OTUD4: variants seen among roughly 807,000 people sequenced by gnomAD.
The protein encoded by OTUD4 is OTU deubiquitinase 4.
A neutral mutation model predicts 130.4 loss-of-function variants in OTUD4; 24 were observed. That is an observed-to-expected ratio of 0.18 (90% CI 0.13 to 0.26). OTUD4 has a LOEUF of 0.26. Among genes scored for constraint, OTUD4 ranks in the 10% least tolerant of loss-of-function variants. OTUD4 has a pLI of 1.00. For synonymous variants in OTUD4, 420 were observed against 472.5 expected, an observed-to-expected ratio of 0.89 and a Z score of 1.44; for missense variants, 1,031 against 1,329.4, an observed-to-expected ratio of 0.78 and a Z score of 3.49.
In OTUD4 at chr4:145,138,666, A is replaced by C. The variant is rs770734818; in HGVS notation, c.2125-16T>G. 2.3e-5 allele frequency: 36 copies of C among 1,574,494 alleles called. No homozygotes were observed. Among genetic ancestry groups the C allele is most frequent in the Non-Finnish European group, 2.7e-5 (32 of 1,165,082 alleles). ...AACTGTATGCCTGAAGAGACAAAAAACAGTTAAATAAACAAAAGAGGAGAA... is the reference window on the plus strand; with the variant it reads ...AACTGTATGCCTGAAGAGACAAAAACCAGTTAAATAAACAAAAGAGGAGAA... On this transcript the variant is annotated splice_polypyrimidine_tract_variant and intron_variant, in intron 20 of 20. Transcript: ENST00000447906.
chr4:145,156,226 G>C (rs1004642296), intron 7 of OTUD4, among the ~76,000 whole-genome samples: 3 of 152,140 alleles, frequency 2.0e-5, no homozygotes, highest in Non-Finnish European at 4.4e-5. Context: ...AACTGGCTCA[G>C]TAATAAGAAA....
intron 11 of OTUD4, among the ~76,000 whole-genome samples, chr4:145,152,128 C>A (rs1751093922): frequency 1.3e-5 from 2 of 152,012 alleles, no homozygotes; most frequent in Non-Finnish European, 2.9e-5. Context: ...AATATACTTT[C>A]TTTTTGTTTT....
At chr4:145,164,424 A>G (rs922746650) in intron 4 of OTUD4, among the ~76,000 whole-genome samples, 198 bp from the exon 5 acceptor site, 1 of 152,084 alleles carries the variant, frequency 6.6e-6, no homozygotes, top group Non-Finnish European at 1.5e-5. Flanking sequence ...AATTTCAAAT[A>G]TTATTTGTAT....
chr4:145,164,978 A>C (rs1241733476), intron 4 of OTUD4, among the ~76,000 whole-genome samples, 173 bp downstream of exon 4: 2 of 152,186 alleles, frequency 1.3e-5, no homozygotes, highest in Admixed American at 1.3e-4. Flanking sequence ...AAAATTTCTA[A>C]ACACTGACAT....
In OTUD4 at chr4:145,152,555, T is replaced by C; in HGVS notation, c.954A>G (p.Glu318=). Reference sequence around the variant, plus strand: ...GTAGTACATACTTCTTTCCCAGTTCTTCAACCAAAACTGGTCCATTCTCAG... The same window carrying C: ...GTAGTACATACTTCTTTCCCAGTTCCTCAACCAAAACTGGTCCATTCTCAG... ...IHSENGPVLV[E]ELGKKHTSKN... is the part of the protein sequence containing the mutation. The change falls in exon 11 of 21, where the codon GAA becomes GAG. Residue 318 remains glutamate (E), a synonymous_variant. Transcript: ENST00000447906. 4.4e-6 allele frequency: 7 copies of C among 1,599,058 alleles called. No homozygotes were observed. Among genetic ancestry groups the C allele is most frequent in the Non-Finnish European group, 6.0e-6 (7 of 1,167,552 alleles).
At position 145,179,067 on chromosome 4, in the gene OTUD4, CA is replaced by C. The variant is rs1045992368; in HGVS notation, c.159+747del. On this transcript the variant is annotated intron_variant, in intron 1 of 20. Transcript: ENST00000447906. ...TTATATAACATGGAATAAGCTCGCT[CA>C]AAAAAAAAAATTCAGAAAAATCTTC... 2.1e-3 allele frequency among the ~76,000 whole-genome samples: 311 copies of C among 146,388 alleles called. 1 individual carries two copies. The highest frequency in any genetic ancestry group is 7.2e-3 in the African/African-American group (288 of 40,046).
rs1752624354 is a variant in OTUD4, at chr4:145,180,118, G to A, written c.-145C>T. 6.7e-6 allele frequency: 3 copies of A among 446,702 alleles called. No homozygotes were observed. The highest frequency in any genetic ancestry group is 9.2e-5 in the South Asian group (1 of 10,916). 27.7% of individuals were successfully genotyped at this position (446,702 alleles called of 1,614,324 possible). The stretch of plus-strand genomic sequence containing the variant: ...GAGCGGCGGCAGGCGGCGGCGGCCC[G>A]AGGCAGCGGTCCGCGCTCTCCGGGC... On this transcript the variant is annotated 5_prime_UTR_variant, in exon 1 of 21. Coordinates refer to ENST00000447906, the MANE Select transcript of OTUD4 (RefSeq NM_001366057.1).
At chr4:145,143,615 A>C (rs1388667585) in intron 16 of OTUD4, among the ~76,000 whole-genome samples, 170 bp from the exon 17 acceptor site, 4 of 152,180 alleles carry the variant, frequency 2.6e-5, no homozygotes, top group Non-Finnish European at 4.4e-5. Flanking sequence ...CTTTGCCTGA[A>C]CATCTTTATT....
chr4:145,138,456 C>G lies in OTUD4; in HGVS notation c.2319G>C (p.Glu773Asp). 6.2e-7 allele frequency: 1 copy of G among 1,614,184 alleles called. No individual in the cohort carries two copies. The highest frequency in any genetic ancestry group is 8.5e-7 in the Non-Finnish European group (1 of 1,180,036). ...GTGGCATTTGACCATTAACACTGGC[C>G]TCAGTCTGCATAGGAAAGTGGGCAT... is the stretch of plus-strand genomic sequence containing the variant. The part of the protein sequence containing the change: ...CTDAHFPMQT[E>D]ASVNGQMPQP... Residue 773 changes from glutamate to aspartate, a missense_variant, in exon 21 of 21, where the codon GAG becomes GAC. Glu to Asp is a conservative substitution (Grantham distance 45). Coordinates refer to ENST00000447906, the MANE Select transcript of OTUD4 (RefSeq NM_001366057.1).
intron 13 of OTUD4, among the ~76,000 whole-genome samples, chr4:145,149,981 A>C (rs569007015): frequency 1.3e-5 from 2 of 152,362 alleles, no homozygotes; most frequent in East Asian, 3.9e-4. Context: ...CAGGAAAATT[A>C]TGATCCTAAA....
chr4:145,180,077 G>A lies in OTUD4; in HGVS notation c.-104C>T. The A allele has an allele frequency of 1.0e-6, 1 of 966,258 alleles. No individual in the cohort carries two copies. Among genetic ancestry groups the A allele is most frequent in the Non-Finnish European group, 1.3e-6 (1 of 777,722 alleles). The allele number at this position is 966,258 out of a possible 1,614,324, so 59.9% of individuals were successfully genotyped here. On this transcript the variant is annotated 5_prime_UTR_variant, in exon 1 of 21. Coordinates refer to ENST00000447906, the MANE Select transcript of OTUD4 (RefSeq NM_001366057.1). ...CCTGGGGCAGGCGGCGGCTCGGGCT[G>A]GGGCTCGGGCTCCGCGAGCGGCGGC...
In OTUD4 at chr4:145,180,010, C is replaced by T. The variant is rs777098706; in HGVS notation, c.-37G>A. 1.4e-6 allele frequency: 2 copies of T among 1,406,990 alleles called. No individual in the cohort carries two copies. The highest frequency in any genetic ancestry group is 3.0e-5 in the South Asian group (2 of 66,368). The allele number at this position is 1,406,990 out of a possible 1,614,324, so 87.2% of individuals were successfully genotyped here. On this transcript the variant is annotated 5_prime_UTR_variant, in exon 1 of 21. An upstream open reading frame in the 5' UTR loses its in-frame stop. Transcript: ENST00000447906. The stretch of plus-strand genomic sequence containing the variant: ...TGCTGCAGGCCAGGCGCGGCGAGGG[C>T]TAGCCCCACATGGCCAGGCCGCCGG...
rs1348320241 is a variant in OTUD4, at chr4:145,178,474, C to CA, written c.159+1340dup. ...GAGGAGTCCAAGGAAGCAGGACAGA[C>CA]AGAGATTCAGAAAATTCACAAATGG... On this transcript the variant is annotated intron_variant, in intron 1 of 20. Coordinates refer to ENST00000447906, the MANE Select transcript of OTUD4 (RefSeq NM_001366057.1). 5.2e-5 allele frequency: 8 copies of CA among 152,428 alleles called. No individual in the cohort carries two copies. In the East Asian group the frequency reaches 1.3e-3, roughly 26 times the overall value. 9.4% of individuals were successfully genotyped at this position (152,428 alleles called of 1,614,324 possible).
chr4:145,152,715 G>T, intron 10 of OTUD4, 80 bp from the exon 11 acceptor site: 2 of 780,208 alleles, frequency 2.6e-6, no homozygotes, highest in Non-Finnish European at 4.2e-6. Flanking sequence ...GTTTTTTGCG[G>T]TTCTTTTTTT....
intron 18 of OTUD4, among the ~76,000 whole-genome samples, chr4:145,141,896 C>A (rs1406328357): frequency 1.3e-5 from 2 of 152,064 alleles, no homozygotes; most frequent in Non-Finnish European, 2.9e-5. Flanking sequence ...ATTACGGGGC[C>A]ATAAAGAGCT....
At chr4:145,147,503 T>TC (rs983099140) in intron 13 of OTUD4, among the ~76,000 whole-genome samples, 7 of 152,138 alleles carry the variant, frequency 4.6e-5, no homozygotes, top group Non-Finnish European at 1.0e-4. Flanking sequence ...CCATCTCCTA[T>TC]CATCCAAAAA....
chr4:145,154,617 G>A (rs1579262053), intron 10 of OTUD4, among the ~76,000 whole-genome samples: 1 of 152,268 alleles, frequency 6.6e-6, no homozygotes, highest in East Asian at 1.9e-4. Context: ...CAAAAAACAA[G>A]AAAAGAGACC....
chr4:145,179,450 G>GGTCGC, intron 1 of OTUD4: 2 of 248,390 alleles, frequency 8.1e-6, no homozygotes, highest in South Asian at 6.3e-5. Context: ...TGAGCGTGGT[G>GGTCGC]CTTCTCAAAC....
intron 2 of OTUD4, 98 bp from the exon 3 acceptor site, chr4:145,171,818 G>A (rs1752183212): frequency 1.4e-6 from 1 of 708,486 alleles, no homozygotes; most frequent in Non-Finnish European, 2.6e-6. Flanking sequence ...TACTGAGTTT[G>A]TACATAAACC....
Sources: allele counts gnomAD v4.1 joint callset (sites outside exome capture counted in the v4.1 genomes callset), GRCh38; gene constraint gnomAD v4.1.1; transcripts MANE v1.5; gene names NCBI Gene and HGNC (gene_info 2026-07-23, HGNC 2026-07-21).